Variants in GAB2 observed in about 807,000 individuals in gnomAD.
GAB2 encodes GRB2-associated-binding protein 2.
In GAB2, 26 loss-of-function variants were observed where a neutral mutation model predicts 65.5. That is an observed-to-expected ratio of 0.40 (90% CI 0.29 to 0.55). The LOEUF (loss-of-function observed/expected upper bound fraction) is 0.55, where lower values mean the gene tolerates loss of function less well. Among genes scored for constraint, GAB2 ranks in the 20% least tolerant of loss-of-function variants. The probability of loss-of-function intolerance (pLI) is 0.53; values close to 1 mark genes in which losing one functional copy is unlikely to be tolerated. For synonymous variants in GAB2, 321 were observed against 329.6 expected, an observed-to-expected ratio of 0.97 and a Z score of 0.28; for missense variants, 884 against 875.8, an observed-to-expected ratio of 1.01 and a Z score of -0.12.
intron 2 of GAB2, among the ~76,000 whole-genome samples, chr11:78,256,931 G>C (rs2134537295): frequency 6.6e-6 from 1 of 152,164 alleles, no homozygotes; most frequent in South Asian, 2.1e-4. Flanking sequence ...CTAGACTCCT[G>C]GCCTGAGCTT....
chr11:78,395,666 G>A (rs935148195), intron 1 of GAB2, among the ~76,000 whole-genome samples: 3 of 152,200 alleles, frequency 2.0e-5, no homozygotes, highest in African/African-American at 7.2e-5. Flanking sequence ...CAGAGCAGTT[G>A]GGAGTTCTGA....
chr11:78,310,823 C>T (rs770315191), intron 1 of GAB2, among the ~76,000 whole-genome samples: 2 of 152,048 alleles, frequency 1.3e-5, no homozygotes, highest in African/African-American at 2.4e-5. Flanking sequence ...CCCTGAGCCT[C>T]GTATCACCCA....
intron 1 of GAB2, among the ~76,000 whole-genome samples, chr11:78,321,315 C>T (rs1476823980): frequency 1.3e-5 from 2 of 152,198 alleles, no homozygotes; most frequent in African/African-American, 4.8e-5. Flanking sequence ...CTATCCATCC[C>T]TGGCTGATGG....
chr11:78,388,460 G>C lies in GAB2; in HGVS notation c.75+29186C>G, dbSNP rs181797413. Reference sequence around the variant, plus strand: ...TCCTACCTCAGCCTCCTGAGTAGCTGGGACTACAGGGATGTGCCACCACAT... The same window carrying C: ...TCCTACCTCAGCCTCCTGAGTAGCTCGGACTACAGGGATGTGCCACCACAT... On this transcript the variant is annotated intron_variant, in intron 1 of 9. Coordinates refer to ENST00000361507, the MANE Select transcript of GAB2 (RefSeq NM_080491.3). Among the ~76,000 whole-genome samples, 321 of 152,208 alleles carry C rather than the reference G, an allele frequency of 2.1e-3. 1 individual carries two copies. Among genetic ancestry groups the C allele is most frequent in the African/African-American group, 6.9e-3 (286 of 41,532 alleles).
At chr11:78,400,887 G>C (rs1273627159) in intron 1 of GAB2, among the ~76,000 whole-genome samples, 3 of 114,214 alleles carry the variant, frequency 2.6e-5, no homozygotes, top group Non-Finnish European at 3.3e-5. Context: ...CTGAGTGACA[G>C]AGTGAGACTG....
Position 78,218,328 on chromosome 11 carries a change from G to A in GAB2, c.*944C>T. The A allele has an allele frequency of 6.5e-6, 1 of 152,860 alleles. No individual in the cohort carries two copies. Among genetic ancestry groups the A allele is most frequent in the Non-Finnish European group, 1.5e-5 (1 of 68,460 alleles). The allele number at this position is 152,860 out of a possible 1,614,324, so 9.5% of individuals were successfully genotyped here. On this transcript the variant is annotated 3_prime_UTR_variant, in exon 10 of 10. Coordinates refer to ENST00000361507, the MANE Select transcript of GAB2 (RefSeq NM_080491.3). ...CATATTCCCCACCCCTTTACCATGT[G>A]TTCCTGCCCCATGTGCTTGGTCGCC...
At chr11:78,241,508 A>G (rs1218042611) in intron 3 of GAB2, among the ~76,000 whole-genome samples, 1 of 152,188 alleles carries the variant, frequency 6.6e-6, no homozygotes, top group Non-Finnish European at 1.5e-5. Context: ...ATTCAAAATA[A>G]TGACCTTAAG....
At chr11:78,284,885 A>G (rs1247886631) in intron 1 of GAB2, among the ~76,000 whole-genome samples, 1 of 152,188 alleles carries the variant, frequency 6.6e-6, no homozygotes, top group Non-Finnish European at 1.5e-5. Flanking sequence ...ATCAATATAT[A>G]TATAATTAAT....
chr11:78,231,608 A>G (rs1864856097), intron 3 of GAB2, among the ~76,000 whole-genome samples: 1 of 152,084 alleles, frequency 6.6e-6, no homozygotes, highest in African/African-American at 2.4e-5. Context: ...TCAGCCTCCC[A>G]AAGTGCTGGG....
At chr11:78,223,770 G>T in intron 5 of GAB2, 94 bp from the exon 6 acceptor site, 1 of 1,057,156 alleles carries the variant, frequency 9.5e-7, no homozygotes. Context: ...GACAAGTCAT[G>T]ACTGGGTTAG....
chr11:78,267,686 G>A (rs1485293762), intron 2 of GAB2, among the ~76,000 whole-genome samples: 2 of 151,400 alleles, frequency 1.3e-5, no homozygotes, highest in Non-Finnish European at 2.9e-5. Context: ...GTGAAACCCC[G>A]TCGCTACTAA....
At position 78,323,790 on chromosome 11, in the gene GAB2, C is replaced by CTTTTTTTTT. The variant is rs749282969; in HGVS notation, c.76-42898_76-42890dup. On this transcript the variant is annotated intron_variant, in intron 1 of 9. Coordinates refer to ENST00000361507, the MANE Select transcript of GAB2 (RefSeq NM_080491.3). ...CTACACGTGTACCCCCTGAATCTTT[C>CTTTTTTTTT]TTTTTTTTTTTTTTTTTTTTTTTTT... Among the ~76,000 whole-genome samples the CTTTTTTTTT allele has an allele frequency of 3.9e-4, 30 of 77,256 alleles. 1 individual carries two copies. Among genetic ancestry groups the CTTTTTTTTT allele is most frequent in the African/African-American group, 1.2e-3 (24 of 20,072 alleles). The allele number at this position is 77,256 out of a possible 152,430, so 50.7% of individuals were successfully genotyped here. A position where few individuals can be genotyped will look rare whatever the true frequency, so the allele number is the denominator to read the frequency against.
chr11:78,290,820 C>T lies in GAB2; in HGVS notation c.76-9919G>A, dbSNP rs1426907142. Among the ~76,000 whole-genome samples, 5 of 152,004 alleles carry T rather than the reference C, an allele frequency of 3.3e-5. No individual in the cohort carries two copies. The South Asian group carries it at 6.2e-4, about 19-fold the overall frequency. On this transcript the variant is annotated intron_variant, in intron 1 of 9. Transcript: ENST00000361507. ...AAACCAAATTTTATTTTTTTTAGAA[C>T]GTAAGAACTTTCTAAATGAGTGGTC...
intron 1 of GAB2, among the ~76,000 whole-genome samples, chr11:78,374,451 G>T (rs117075620): frequency 0.014 from 2,097 of 152,226 alleles, 23 homozygotes; most frequent in Non-Finnish European, 0.021. Context: ...GGTTACCCGG[G>T]GGGGAACCTG....
chr11:78,269,915 GCTTTGGC>G (rs1865968637), intron 2 of GAB2, among the ~76,000 whole-genome samples: 6 of 152,188 alleles, frequency 3.9e-5, no homozygotes. Flanking sequence ...TACAGTGGAG[GCTTTGGC>G]CTTATTTCAA....
At chr11:78,255,524 G>A (rs1865571899) in intron 2 of GAB2, among the ~76,000 whole-genome samples, 1 of 152,190 alleles carries the variant, frequency 6.6e-6, no homozygotes, top group Non-Finnish European at 1.5e-5. Context: ...TGATGGCCGA[G>A]TACCCCTGCT....
At chr11:78,291,555 C>CTTTTCT in intron 1 of GAB2, among the ~76,000 whole-genome samples, 2 of 55,046 alleles carry the variant, frequency 3.6e-5, no homozygotes, top group Non-Finnish European at 3.5e-5. Context: ...TTACTTTTTT[C>CTTTTCT]TTTTTCTTTT....
chr11:78,341,707 T>C, intron 1 of GAB2: 2 of 960,590 alleles, frequency 2.1e-6, no homozygotes, highest in Non-Finnish European at 2.5e-6. Context: ...AGAACAAATA[T>C]TCAGAACCTG....
Position 78,219,285 on chromosome 11 carries a change from C to G in GAB2, c.2018G>C (p.Gly673Ala), listed in dbSNP as rs1323644206. 1.2e-6 allele frequency: 2 copies of G among 1,613,374 alleles called. No individual in the cohort carries two copies. The highest frequency in any genetic ancestry group is 1.3e-5 in the African/African-American group (1 of 74,878). ...GTGGCCCTCTCATCACAGCTTGGCA[C>G]CCTTGGAAGGCTCTGAGGACTGCCG... ...DVRQSSEPSK[G>A]AKL Residue 673 changes from glycine (G) to alanine (A), a missense_variant, in exon 10 of 10, where the codon GGT (glycine) becomes GCT (alanine). Physicochemically the swap from Gly to Ala is moderately conservative, Grantham distance 60. Coordinates refer to ENST00000361507, the MANE Select transcript of GAB2 (RefSeq NM_080491.3).
Sources: gnomAD v4.1 joint callset for allele counts (sites outside exome capture counted in the v4.1 genomes callset) on GRCh38, gnomAD v4.1.1 for gene constraint, MANE v1.5 for transcripts, NCBI Gene and HGNC (gene_info 2026-07-23, HGNC 2026-07-21) for gene names.